The following KMT2B variants were observed in gnomAD, a reference collection of about 807,000 sequenced individuals.
KMT2B encodes the protein lysine methyltransferase 2B.
A neutral mutation model predicts 255.3 loss-of-function variants in KMT2B; 22 were observed. The ratio of observed to expected loss-of-function variants is 0.09; its 90% CI spans 0.06 to 0.12. The LOEUF is 0.12. Among genes scored for constraint, KMT2B ranks in the 10% least tolerant of loss-of-function variants. The probability of loss-of-function intolerance (pLI) is 1.00; values close to 1 mark genes in which losing one functional copy is unlikely to be tolerated. For synonymous variants in KMT2B, 1,730 were observed against 1,498.1 expected (o/e 1.15, Z -3.57); for missense variants, 3,149 against 3,737.0 (o/e 0.84, Z 4.10).
intron 22 of KMT2B, among the ~76,000 whole-genome samples, 154 bp from the exon 23 acceptor site, chr19:35,729,813 C>T (rs551775060): frequency 1.3e-5 from 2 of 152,240 alleles, no homozygotes; most frequent in Non-Finnish European, 2.9e-5. Flanking sequence ...GTTTGGTGTG[C>T]ACCTGGGCCT....
Position 35,725,439 on chromosome 19 carries a change from C to T in KMT2B, c.3643-40C>T. 1.2e-6 allele frequency: 2 copies of T among 1,604,130 alleles called. No individual in the cohort carries two copies. The highest frequency in any genetic ancestry group is 1.7e-6 in the Non-Finnish European group (2 of 1,176,682). On this transcript the variant is annotated intron_variant, in intron 11 of 36. Transcript: ENST00000420124. The surrounding 1 kb of genome is among the most constrained non-coding windows in gnomAD (Gnocchi z 4.1). ...GTCTCATCCCTTGGCCCTCTGGCCTCATGCTATGCCCATCATTCACTCCTT... is the reference window on the plus strand; with the variant it reads ...GTCTCATCCCTTGGCCCTCTGGCCTTATGCTATGCCCATCATTCACTCCTT...
rs1484952840 is a variant in KMT2B, at chr19:35,719,827, C to T, written c.480C>T (p.Pro160=). 1.2e-6 allele frequency: 2 copies of T among 1,610,860 alleles called. No individual in the cohort carries two copies. The highest frequency in any genetic ancestry group is 1.7e-6 in the Non-Finnish European group (2 of 1,178,916). Residue 160 remains proline (P), a synonymous_variant, in exon 3 of 37, where the codon CCC becomes CCT. Coordinates refer to ENST00000420124, the MANE Select transcript of KMT2B (RefSeq NM_014727.3). ...GGGGTCGCAAGCATAAGACGACCCC[C>T]CTTCCTCCTCCTCGCCTAGCAGATG... ...RGRGRKHKTT[P]LPPPRLADVA...
rs1969400474 is a variant in KMT2B, at chr19:35,725,556, T to C, written c.3720T>C (p.His1240=). 2 of 1,610,840 alleles carry C rather than the reference T, an allele frequency of 1.2e-6. No homozygotes were observed. Among genetic ancestry groups the C allele is most frequent in the East Asian group, 4.5e-5 (2 of 44,888 alleles). ...LEEAERPLPQ[H]HDTWCCRRCK... ...AGGCCGAGCGGCCCCTGCCCCAGCATCACGACACCTGGTGCTGCCGTCGCT... is the reference window on the plus strand; with the variant it reads ...AGGCCGAGCGGCCCCTGCCCCAGCACCACGACACCTGGTGCTGCCGTCGCT... The change falls in exon 12 of 37, where the codon CAT becomes CAC. Residue 1240 remains histidine, a synonymous_variant. Coordinates refer to ENST00000420124, the MANE Select transcript of KMT2B (RefSeq NM_014727.3). The surrounding 1 kb of genome is among the most constrained non-coding windows in gnomAD (Gnocchi z 4.1).
chr19:35,733,903 G>A lies in KMT2B; in HGVS notation c.7159+31G>A. 1.3e-6 allele frequency: 2 copies of A among 1,506,774 alleles called. No homozygotes were observed. Among genetic ancestry groups the A allele is most frequent in the South Asian group, 2.3e-5 (2 of 87,002 alleles). The allele number at this position is 1,506,774 out of a possible 1,614,324, so 93.3% of individuals were successfully genotyped here. A position where few individuals can be genotyped will look rare whatever the true frequency, so the allele number is the denominator to read the frequency against. On this transcript the variant is annotated intron_variant, in intron 30 of 36. Coordinates refer to ENST00000420124, the MANE Select transcript of KMT2B (RefSeq NM_014727.3). The surrounding 1 kb of genome is among the most constrained non-coding windows in gnomAD (Gnocchi z 4.3). ...GACCGGCCTTGCCCTCTCCCTCCTTGCCTGTGCCTGGCTCAGCTGGGTGAC... is the reference window on the plus strand; with the variant it reads ...GACCGGCCTTGCCCTCTCCCTCCTTACCTGTGCCTGGCTCAGCTGGGTGAC...
rs752682383 is a variant in KMT2B, at chr19:35,733,548, G to T, written c.6959+40G>T. 9.6e-6 allele frequency: 15 copies of T among 1,555,056 alleles called. No homozygotes were observed. In the South Asian group the frequency reaches 1.8e-4, roughly 18 times the overall value. On this transcript the variant is annotated intron_variant, in intron 28 of 36. Transcript: ENST00000420124. This position sits in a 1 kb window ranked among gnomAD's most constrained non-coding sequence, Gnocchi z 4.3. ...TGAGGCTGGCAGAGCAGGCAAGGGG[G>T]CAGATGGGCGGGAGATGCGGCTCAT...
At chr19:35,729,880 C>G in intron 22 of KMT2B, 87 bp from the exon 23 acceptor site, 6 of 1,364,094 alleles carry the variant, frequency 4.4e-6, no homozygotes, top group Non-Finnish European at 6.0e-6. Context: ...CCAGGCTAGA[C>G]AGGGACCCAT....
chr19:35,733,978 G>A lies in KMT2B; in HGVS notation c.7159+106G>A. 1.3e-6 allele frequency: 1 copy of A among 765,326 alleles called. No homozygotes were observed. The highest frequency in any genetic ancestry group is 2.5e-5 in the Admixed American group (1 of 40,812). 47.4% of individuals were successfully genotyped at this position (765,326 alleles called of 1,614,324 possible). A position where few individuals can be genotyped will look rare whatever the true frequency, so the allele number is the denominator to read the frequency against. ...TTCAAAACCAGTATCTACTCCCAGGGGCCAAGCCTGAGGCTCGGTGCTAGA... is the reference window on the plus strand; with the variant it reads ...TTCAAAACCAGTATCTACTCCCAGGAGCCAAGCCTGAGGCTCGGTGCTAGA... On this transcript the variant is annotated intron_variant, in intron 30 of 36. Coordinates refer to ENST00000420124, the MANE Select transcript of KMT2B (RefSeq NM_014727.3). This position sits in a 1 kb window ranked among gnomAD's most constrained non-coding sequence, Gnocchi z 4.3.
chr19:35,736,978 C>G lies in KMT2B; in HGVS notation c.7364C>G (p.Ser2455Cys). ...ARGHARLRHL[S>C]FSGMSGARLL... is the part of the protein sequence containing the mutation. ...GGGCATGCCCGACTCAGACATCTCT[C>G]CTTTAGTGGTAAGGAGTGGGCCCCA... The change falls in exon 32 of 37, where the codon TCC (serine) becomes TGC (cysteine). Residue 2455 changes from serine (S) to cysteine (C), a missense_variant. Ser to Cys is a moderately radical substitution (Grantham distance 112, BLOSUM62 -1). Transcript: ENST00000420124. 1 of 1,613,656 alleles carries G rather than the reference C, an allele frequency of 6.2e-7. No homozygotes were observed. Among genetic ancestry groups the G allele is most frequent in the Non-Finnish European group, 8.5e-7 (1 of 1,179,738 alleles).
At position 35,736,741 on chromosome 19, in the gene KMT2B, A is replaced by C. The variant is rs747010719; in HGVS notation, c.7211A>C (p.Asn2404Thr). The C allele has an allele frequency of 6.2e-7, 1 of 1,613,820 alleles. No homozygotes were observed. The highest frequency in any genetic ancestry group is 1.3e-5 in the African/African-American group (1 of 74,890). ...EEPPSPDDKE[N>T]QAPKRTGPHL... ...CCTCCATCCCCAGATGATAAAGAGA[A>C]CCAGGCCCCAAAACGGACTGGCCCA... The change falls in exon 31 of 37, where the codon AAC becomes ACC. Residue 2404 changes from asparagine (N) to threonine (T), a missense_variant. Physicochemically the swap from Asn to Thr is moderately conservative, Grantham distance 65 (BLOSUM62 0). Coordinates refer to ENST00000420124, the MANE Select transcript of KMT2B (RefSeq NM_014727.3).
chr19:35,726,442 C>G (rs376439503), intron 14 of KMT2B, 89 bp downstream of exon 14: 2 of 842,648 alleles, frequency 2.4e-6, no homozygotes, highest in African/African-American at 1.7e-5. Context: ...CCTCTTTTCT[C>G]ATGGCTTTCC....
chr19:35,718,534 C>T lies in KMT2B; in HGVS notation c.363+153C>T, dbSNP rs1159784104. On this transcript the variant is annotated intron_variant, in intron 1 of 36. Transcript: ENST00000420124. This position sits in a 1 kb window ranked among gnomAD's most constrained non-coding sequence, Gnocchi z 5.0. ...GAGGGAGGGCGGCTGCATGCAGCTT[C>T]CGGGGGAAAGGGCCTCTGGAAGTGG... is the stretch of plus-strand genomic sequence containing the variant. Among the ~76,000 whole-genome samples the T allele has an allele frequency of 6.6e-6, 1 of 152,158 alleles. No homozygotes were observed. Among genetic ancestry groups the T allele is most frequent in the African/African-American group, 2.4e-5 (1 of 41,452 alleles).
chr19:35,719,861 A>ACC lies in KMT2B; in HGVS notation c.520_521dup (p.Lys175GlnfsTer20). 6.2e-7 allele frequency: 1 copy of ACC among 1,610,924 alleles called. No individual in the cohort carries two copies. ...TCCTCGCCTAGCAGATGTGGCTCCT[A>ACC]CCCCCCCAAAGACCCCTGCCCGGAA... On this transcript the variant is annotated frameshift_variant, in exon 3 of 37. Transcript: ENST00000420124. LOFTEE classifies it high-confidence loss of function.
chr19:35,733,047 C>T lies in KMT2B; in HGVS notation c.6498C>T (p.Leu2166=). ...PADPTRTFAW[L]PGAPGVRVLS... ...ACCCCACCCGCACATTTGCCTGGCTCCCAGGGGCCCCAGGGGTCCGGGTGT... is the reference window on the plus strand; with the variant it reads ...ACCCCACCCGCACATTTGCCTGGCTTCCAGGGGCCCCAGGGGTCCGGGTGT... Residue 2166 remains leucine (L), a synonymous_variant, in exon 28 of 37, where the codon CTC becomes CTT. Coordinates refer to ENST00000420124, the MANE Select transcript of KMT2B (RefSeq NM_014727.3). This position sits in a 1 kb window ranked among gnomAD's most constrained non-coding sequence, Gnocchi z 4.3. 1 of 1,580,926 alleles carries T rather than the reference C, an allele frequency of 6.3e-7. No individual in the cohort carries two copies. The highest frequency in any genetic ancestry group is 8.6e-7 in the Non-Finnish European group (1 of 1,163,352).
At position 35,721,866 on chromosome 19, in the gene KMT2B, C is replaced by G; in HGVS notation, c.2457+62C>G. 2.0e-6 allele frequency: 3 copies of G among 1,466,342 alleles called. No individual in the cohort carries two copies. The South Asian group carries it at 4.2e-5, about 21-fold the overall frequency. The allele number at this position is 1,466,342 out of a possible 1,614,324, so 90.8% of individuals were successfully genotyped here. ...CATCCAGCCTCCATTCTTTGCAACC[C>G]CCTAACCTTCCGCCTCCTTGGACAC... is the stretch of plus-strand genomic sequence containing the variant. On this transcript the variant is annotated intron_variant, in intron 3 of 36. Coordinates refer to ENST00000420124, the MANE Select transcript of KMT2B (RefSeq NM_014727.3).
In KMT2B at chr19:35,720,343, T is replaced by A; in HGVS notation, c.996T>A (p.His332Gln). The A allele has an allele frequency of 1.2e-6, 2 of 1,609,966 alleles. No homozygotes were observed. The highest frequency in any genetic ancestry group is 1.7e-6 in the Non-Finnish European group (2 of 1,178,184). The change falls in exon 3 of 37, where the codon CAT (histidine) becomes CAA (glutamine). Residue 332 changes from histidine to glutamine, a missense_variant. His to Gln is a conservative substitution (Grantham distance 24). Transcript: ENST00000420124. Reference sequence around the variant, plus strand: ...AATCAGGTCAAGGTCAAGGTCAACATGAGGAAAGTTGGCAGGATGTCCCCC... The same window carrying A: ...AATCAGGTCAAGGTCAAGGTCAACAAGAGGAAAGTTGGCAGGATGTCCCCC... ...GLESGQGQGQ[H>Q]EESWQDVPQR... is the part of the protein sequence containing the mutation.
chr19:35,736,899 G>A lies in KMT2B; in HGVS notation c.7298-13G>A, dbSNP rs773354568. ...ACCATCCTGACTCAGCTCTGGCTCT[G>A]CTGTCTCCCCAGGGGCGTGGAGAAC... On this transcript the variant is annotated splice_polypyrimidine_tract_variant and intron_variant, in intron 31 of 36. Coordinates refer to ENST00000420124, the MANE Select transcript of KMT2B (RefSeq NM_014727.3). 6.2e-7 allele frequency: 1 copy of A among 1,613,944 alleles called. No homozygotes were observed. The highest frequency in any genetic ancestry group is 8.5e-7 in the Non-Finnish European group (1 of 1,179,860).
At chr19:35,730,177 C>T in intron 23 of KMT2B, 52 bp downstream of exon 23, 2 of 1,609,446 alleles carry the variant, frequency 1.2e-6, no homozygotes, top group Non-Finnish European at 8.5e-7. Context: ...TCTTCCTGTT[C>T]ACTTAGGGAC....
intron 30 of KMT2B, among the ~76,000 whole-genome samples, chr19:35,734,509 C>A (rs996634321): frequency 2.1e-4 from 32 of 152,216 alleles, no homozygotes; most frequent in Non-Finnish European, 4.0e-4. Flanking sequence ...GTGTGAGGGC[C>A]AAGACAGCGG....
Position 35,723,672 on chromosome 19 carries a change from C to G in KMT2B, c.3059-60C>G. ...CCTGCCCCGCTTCTTTCTGGCTTCT[C>G]TCCCAGTGTCCCATGTCCCTGGCTG... On this transcript the variant is annotated intron_variant, in intron 7 of 36. Transcript: ENST00000420124. This position sits in a 1 kb window ranked among gnomAD's most constrained non-coding sequence, Gnocchi z 7.5. The G allele has an allele frequency of 6.9e-7, 1 of 1,440,452 alleles. No individual in the cohort carries two copies. Among genetic ancestry groups the G allele is most frequent in the Non-Finnish European group, 9.4e-7 (1 of 1,068,574 alleles). The allele number at this position is 1,440,452 out of a possible 1,614,324, so 89.2% of individuals were successfully genotyped here.
Sources: allele counts gnomAD v4.1 joint callset (sites outside exome capture counted in the v4.1 genomes callset), GRCh38; gene constraint gnomAD v4.1.1; non-coding constraint Gnocchi (gnomAD v3.1); transcripts MANE v1.5; gene names NCBI Gene and HGNC (gene_info 2026-07-23, HGNC 2026-07-21).